Variants in PAPPA2 observed in about 807,000 individuals in gnomAD.
The protein encoded by PAPPA2 is pappalysin-2.
Under a neutral mutation model 176.4 loss-of-function variants are expected in PAPPA2, and 86 were observed. That is an observed-to-expected ratio of 0.49 (90% CI 0.41 to 0.58). The LOEUF (loss-of-function observed/expected upper bound fraction) is 0.58. Among genes scored for constraint, PAPPA2 ranks in the 20% least tolerant of loss-of-function variants. The pLI, the probability that PAPPA2 is intolerant of heterozygous loss-of-function variation, is 0.00. For synonymous variants in PAPPA2, 809 were observed against 852.2 expected (o/e 0.95, Z 0.88); for missense variants, 2,073 against 2,256.9 (o/e 0.92, Z 1.65).
chr1:176,842,322 TA>T, intron 22 of PAPPA2, 57 bp from the exon 23 acceptor site: 1 of 1,489,292 alleles, frequency 6.7e-7, no homozygotes, highest in East Asian at 2.3e-5. Context: ...AAAGCTCGTT[TA>T]AAAGTGTGAA....
At chr1:176,541,361 G>A (rs1165063568) in intron 1 of PAPPA2, among the ~76,000 whole-genome samples, 1 of 152,192 alleles carries the variant, frequency 6.6e-6, no homozygotes, top group Non-Finnish European at 1.5e-5. Context: ...CAGTATTTTG[G>A]CCTTAGTTTA....
At chr1:176,695,662 G>T (rs183166615) in intron 6 of PAPPA2, 76 bp from the exon 7 acceptor site, 3 of 1,527,816 alleles carry the variant, frequency 2.0e-6, no homozygotes, top group South Asian at 2.3e-5. Context: ...CCACACAAAG[G>T]TCTTTCTAAT....
chr1:176,788,278 G>A (rs1254364440), intron 17 of PAPPA2, among the ~76,000 whole-genome samples: 1 of 152,070 alleles, frequency 6.6e-6, no homozygotes, highest in Non-Finnish European at 1.5e-5. Context: ...TCTGGCTTCT[G>A]GAAGCTTCCA....
chr1:176,495,455 G>T lies in PAPPA2; in HGVS notation c.-917+32037G>T, dbSNP rs190083519. The stretch of plus-strand genomic sequence containing the variant: ...CTCGGGAGGCTGAGGCAGCAGAATC[G>T]CTTGAACCCGGGAGGTGGAGGTTGC... On this transcript the variant is annotated intron_variant, in intron 1 of 22. Coordinates refer to ENST00000367662, the MANE Select transcript of PAPPA2 (RefSeq NM_020318.3). Among the ~76,000 whole-genome samples, 691 of 151,432 alleles carry T rather than the reference G, an allele frequency of 4.6e-3. 5 individuals are homozygous for T. Among genetic ancestry groups the T allele is most frequent in the African/African-American group, 0.016 (646 of 41,264 alleles).
intron 4 of PAPPA2, among the ~76,000 whole-genome samples, chr1:176,688,963 A>T (rs1398432052): frequency 6.6e-6 from 1 of 152,200 alleles, no homozygotes; most frequent in Non-Finnish European, 1.5e-5. Context: ...GACCTGCTAT[A>T]CTCAGAAGAC....
intron 2 of PAPPA2, among the ~76,000 whole-genome samples, chr1:176,590,846 T>C (rs1030498928): frequency 1.3e-5 from 2 of 152,132 alleles, no homozygotes; most frequent in African/African-American, 4.8e-5. Context: ...TGTTCTGGGC[T>C]CAAAATAATG....
chr1:176,660,336 T>TG (rs1658290885), intron 3 of PAPPA2, among the ~76,000 whole-genome samples: 16 of 122,028 alleles, frequency 1.3e-4, no homozygotes, highest in Non-Finnish European at 2.3e-4. Flanking sequence ...AATTGTTTGT[T>TG]TGTGTGTGTG....
At chr1:176,754,996 G>A (rs1314331107) in intron 14 of PAPPA2, among the ~76,000 whole-genome samples, 2 of 152,138 alleles carry the variant, frequency 1.3e-5, no homozygotes, top group Non-Finnish European at 2.9e-5. Flanking sequence ...CTCACAGCAT[G>A]ATTTTAGCAC....
intron 10 of PAPPA2, among the ~76,000 whole-genome samples, chr1:176,709,710 C>T (rs1361116423): frequency 6.6e-6 from 1 of 152,072 alleles, no homozygotes; most frequent in Non-Finnish European, 1.5e-5. Context: ...TGCTTTTTTT[C>T]TCCCTGTTCT....
At chr1:176,476,565 C>T (rs527431464) in intron 1 of PAPPA2, among the ~76,000 whole-genome samples, 5 of 152,314 alleles carry the variant, frequency 3.3e-5, no homozygotes, top group African/African-American at 4.8e-5. Flanking sequence ...CTGTCTGGCA[C>T]GCCTGCCTAG....
At chr1:176,733,313 T>C (rs548771543) in intron 12 of PAPPA2, among the ~76,000 whole-genome samples, 2 of 152,302 alleles carry the variant, frequency 1.3e-5, no homozygotes, top group East Asian at 3.9e-4. Context: ...CTTCTGTTGT[T>C]TGGAAAATGA....
At chr1:176,525,873 T>C (rs949739144) in intron 1 of PAPPA2, among the ~76,000 whole-genome samples, 2 of 152,206 alleles carry the variant, frequency 1.3e-5, no homozygotes, top group East Asian at 1.9e-4. Flanking sequence ...TGGTTTTAGG[T>C]AATCCTCTAC....
At chr1:176,685,665 C>A (rs1659804507) in intron 4 of PAPPA2, among the ~76,000 whole-genome samples, 1 of 152,200 alleles carries the variant, frequency 6.6e-6, no homozygotes, top group Non-Finnish European at 1.5e-5. Context: ...AATGCACAGT[C>A]CCTCCGGCCC....
intron 17 of PAPPA2, among the ~76,000 whole-genome samples, chr1:176,776,891 GTAT>G (rs200866954): frequency 4.8e-4 from 72 of 150,964 alleles, no homozygotes; most frequent in Admixed American, 4.1e-3. Context: ...ATATTTTAGT[GTAT>G]TATTATTATC....
intron 14 of PAPPA2, among the ~76,000 whole-genome samples, chr1:176,740,485 C>A (rs550829120): frequency 2.6e-5 from 4 of 152,274 alleles, no homozygotes; most frequent in East Asian, 1.9e-4. Flanking sequence ...AACTTCAAAT[C>A]AACATTGTTA....
chr1:176,472,501 C>T (rs1651927798), intron 1 of PAPPA2, among the ~76,000 whole-genome samples: 1 of 152,010 alleles, frequency 6.6e-6, no homozygotes. Context: ...ATTTTCTGCC[C>T]CAAACATGGA....
Position 176,784,162 on chromosome 1 carries a change from C to G in PAPPA2, c.4716-5647C>G, listed in dbSNP as rs867391112. On this transcript the variant is annotated intron_variant, in intron 17 of 22. Transcript: ENST00000367662. Reference sequence around the variant, plus strand: ...AGTAGAATGTTTTACATGGAGGGTACTTGGCATGGGCTATCAAAGATGTTT... The same window carrying G: ...AGTAGAATGTTTTACATGGAGGGTAGTTGGCATGGGCTATCAAAGATGTTT... 4.6e-5 allele frequency among the ~76,000 whole-genome samples: 7 copies of G among 152,304 alleles called. No homozygotes were observed. The East Asian group carries it at 1.4e-3, about 29-fold the overall frequency.
intron 3 of PAPPA2, among the ~76,000 whole-genome samples, chr1:176,634,340 A>C (rs1656533855): frequency 7.1e-6 from 1 of 140,484 alleles, no homozygotes; most frequent in African/African-American, 2.7e-5. Context: ...TATGGCAAGG[A>C]CAAAAAACCA....
chr1:176,744,467 G>C (rs1031778051), intron 14 of PAPPA2, among the ~76,000 whole-genome samples: 1 of 152,018 alleles, frequency 6.6e-6, no homozygotes. Context: ...GATTCTTTAG[G>C]ACTCAGTAGC....
Sources: gnomAD v4.1 joint callset for allele counts (sites outside exome capture counted in the v4.1 genomes callset) on GRCh38, gnomAD v4.1.1 for gene constraint, MANE v1.5 for transcripts, NCBI Gene and HGNC (gene_info 2026-07-23, HGNC 2026-07-21) for gene names.